Variants in CIMAP2 observed in about 807,000 individuals in gnomAD.
CIMAP2 encodes ciliary microtubule-associated protein 2.
At chr1:54,811,001 T>C in the CIMAP2 span, among the ~76,000 whole-genome samples, 14 of 152,186 alleles carry the variant, frequency 9.2e-5, no homozygotes, top group Non-Finnish European at 2.1e-4. Flanking sequence ...CACTCTGACA[T>C]GGTGGGCTCC....
chr1:54,835,038 C>T, the CIMAP2 span, among the ~76,000 whole-genome samples: 57 of 152,280 alleles, frequency 3.7e-4, no homozygotes, highest in African/African-American at 1.2e-3. Flanking sequence ...TGCTCCAGCA[C>T]GCATACTGCA....
chr1:54,826,203 C>T, the CIMAP2 span, among the ~76,000 whole-genome samples: 1 of 152,140 alleles, frequency 6.6e-6, no homozygotes, highest in African/African-American at 2.4e-5. Flanking sequence ...AGCAGCTCTG[C>T]CACTGGAAGA....
the CIMAP2 span, among the ~76,000 whole-genome samples, chr1:54,836,232 C>T: frequency 6.6e-6 from 1 of 151,800 alleles, no homozygotes; most frequent in Non-Finnish European, 1.5e-5. Flanking sequence ...TTTCTCCTTC[C>T]TTCCCTCTCT....
the CIMAP2 span, among the ~76,000 whole-genome samples, chr1:54,809,160 A>G: frequency 5.7e-4 from 87 of 152,276 alleles, no homozygotes; most frequent in African/African-American, 2.0e-3. Flanking sequence ...ATTCTTTGCA[A>G]TCACTCCAGA....
At chr1:54,806,347 G>A in the CIMAP2 span, 1 of 968,302 alleles carries the variant, frequency 1.0e-6, no homozygotes, top group Non-Finnish European at 1.4e-6. Flanking sequence ...GGCGGGGAGG[G>A]GAACCAGAGG....
At chr1:54,835,763 C>A in the CIMAP2 span, among the ~76,000 whole-genome samples, 1 of 152,070 alleles carries the variant, frequency 6.6e-6, no homozygotes, top group East Asian at 1.9e-4. Flanking sequence ...AGGGCACTCA[C>A]CCACCTCCCC....
the CIMAP2 span, among the ~76,000 whole-genome samples, chr1:54,840,897 A>G: frequency 1.1e-4 from 16 of 152,224 alleles, no homozygotes; most frequent in African/African-American, 3.9e-4. Context: ...CCAGATATCC[A>G]GAAGGATTTT....
the CIMAP2 span, among the ~76,000 whole-genome samples, chr1:54,818,041 T>G: frequency 1.3e-5 from 2 of 152,246 alleles, no homozygotes; most frequent in Non-Finnish European, 2.9e-5. Flanking sequence ...TTTGAAGGCC[T>G]TTCATAGCCT....
the CIMAP2 span, among the ~76,000 whole-genome samples, chr1:54,819,411 C>G: frequency 6.6e-5 from 10 of 152,292 alleles, no homozygotes; most frequent in African/African-American, 2.4e-4. Flanking sequence ...TTCTGTTACC[C>G]AGGTGGGAGT....
the CIMAP2 span, among the ~76,000 whole-genome samples, chr1:54,833,644 A>G: frequency 6.6e-6 from 1 of 152,116 alleles, no homozygotes; most frequent in Non-Finnish European, 1.5e-5. Flanking sequence ...TGCTTCATAA[A>G]TGTGGTTGAC....
the CIMAP2 span, among the ~76,000 whole-genome samples, chr1:54,840,945 G>A: frequency 0.79 from 119,766 of 152,158 alleles, 48,026 homozygotes; most frequent in South Asian, 0.9. Context: ...AACATACTTA[G>A]GGCATTATGG....
the CIMAP2 span, among the ~76,000 whole-genome samples, chr1:54,824,267 G>A: frequency 6.6e-6 from 1 of 152,146 alleles, no homozygotes; most frequent in Non-Finnish European, 1.5e-5. Context: ...AGCTTGAGCA[G>A]TCCTCCTGCC....
At chr1:54,814,040 TG>T in the CIMAP2 span, 16 of 1,498,040 alleles carry the variant, frequency 1.1e-5, no homozygotes, top group African/African-American at 2.3e-4. Context: ...GGGCTGGGCA[TG>T]GGGTAGGGTG....
At chr1:54,817,753 A>T in the CIMAP2 span, among the ~76,000 whole-genome samples, 1 of 150,934 alleles carries the variant, frequency 6.6e-6, no homozygotes. Flanking sequence ...TATGGTGAGG[A>T]CATGAGGACC....
chr1:54,819,122 A>C, the CIMAP2 span, among the ~76,000 whole-genome samples: 1 of 152,162 alleles, frequency 6.6e-6, no homozygotes, highest in Non-Finnish European at 1.5e-5. Context: ...CAGTGTCTCT[A>C]GGTGTTTTCT....
chr1:54,806,701 C>T, the CIMAP2 span, among the ~76,000 whole-genome samples: 9 of 124,022 alleles, frequency 7.3e-5, no homozygotes, highest in African/African-American at 2.8e-4. Context: ...AGTTTGCTCT[C>T]TTCTGTGGGG....
At chr1:54,836,302 TGCCTGCCTGCCTGCCTGCCTG>T in the CIMAP2 span, among the ~76,000 whole-genome samples, 1 of 188 alleles carries the variant, frequency 5.3e-3, no homozygotes, top group African/African-American at 0.022. Context: ...CCTGCCTGCC[TGCCTGCCTGCCTGCCTGCCTG>T]CCTGCCTTCC....
chr1:54,815,839 C>A, the CIMAP2 span, among the ~76,000 whole-genome samples: 1 of 151,778 alleles, frequency 6.6e-6, no homozygotes, highest in East Asian at 1.9e-4. Context: ...GAGCCCCTGC[C>A]ATTCCCACCC....
At chr1:54,811,765 G>GCGGGGGGGGGGCCCCCCCCCCCCCCC in the CIMAP2 span, 2 of 1,301,332 alleles carry the variant, frequency 1.5e-6, no homozygotes, top group Non-Finnish European at 2.2e-6. Flanking sequence ...GGTTCTGACA[G>GCGGGGGGGGGGCCCCCCCCCCCCCCC]CCTCCATGCC....
Sources: allele counts gnomAD v4.1 joint callset (sites outside exome capture counted in the v4.1 genomes callset), GRCh38; gene constraint gnomAD v4.1.1; transcripts MANE v1.5; gene names NCBI Gene and HGNC (gene_info 2026-07-23, HGNC 2026-07-21).